Variants in FBXO11 observed in about 807,000 individuals in gnomAD.
FBXO11 encodes F-box only protein 11.
A neutral mutation model predicts 117.0 loss-of-function variants in FBXO11; 13 were observed. The ratio of observed to expected loss-of-function variants is 0.11; its 90% CI spans 0.07 to 0.18. The LOEUF (loss-of-function observed/expected upper bound fraction) is 0.18. Among genes scored for constraint, FBXO11 ranks in the 10% least tolerant of loss-of-function variants. FBXO11 has a pLI of 1.00. For synonymous variants in FBXO11, 490 were observed against 380.5 expected, an observed-to-expected ratio of 1.29 and a Z score of -3.35; for missense variants, 767 against 1,164.4, an observed-to-expected ratio of 0.66 and a Z score of 4.97.
rs144015272 is a variant in FBXO11, at chr2:47,846,220, C to G, written c.233-6451G>C. ...GGTGGCTCATGCCTGTAAATCCCAGCACTTTAGGAGGCCCAGGCGGGCAGA... is the reference window on the plus strand; with the variant it reads ...GGTGGCTCATGCCTGTAAATCCCAGGACTTTAGGAGGCCCAGGCGGGCAGA... On this transcript the variant is annotated intron_variant, in intron 1 of 22. Coordinates refer to ENST00000403359, the MANE Select transcript of FBXO11 (RefSeq NM_001190274.2). Among the ~76,000 whole-genome samples, 16 of 152,212 alleles carry G rather than the reference C, an allele frequency of 1.1e-4. No individual in the cohort carries two copies. The East Asian group carries it at 3.1e-3, about 29-fold the overall frequency.
chr2:47,905,673 C>T lies in FBXO11; in HGVS notation c.48G>A (p.Arg16=), dbSNP rs774723976. The change falls in exon 1 of 23, where the codon CGG becomes CGA. Residue 16 remains arginine (R), a synonymous_variant. Coordinates refer to ENST00000403359, the MANE Select transcript of FBXO11 (RefSeq NM_001190274.2). Reference sequence around the variant, plus strand: ...GCTGCTGTTGCTGCACCGGGCGCGGCCGCGACACTCGCCTGGGTCTCCGGT... The same window carrying T: ...GCTGCTGTTGCTGCACCGGGCGCGGTCGCGACACTCGCCTGGGTCTCCGGT... ...AANRRPRRVS[R]PRPVQQQQQQ... is the part of the protein sequence containing the mutation. 5.3e-6 allele frequency: 8 copies of T among 1,506,988 alleles called. No homozygotes were observed. The highest frequency in any genetic ancestry group is 3.7e-5 in the South Asian group (3 of 81,904). The allele number at this position is 1,506,988 out of a possible 1,614,324, so 93.4% of individuals were successfully genotyped here. A position where few individuals can be genotyped will look rare whatever the true frequency, so the allele number is the denominator to read the frequency against.
chr2:47,852,568 A>G (rs1319970881), intron 1 of FBXO11, among the ~76,000 whole-genome samples: 4 of 152,228 alleles, frequency 2.6e-5, no homozygotes, highest in East Asian at 3.8e-4. Context: ...TTTTAAGTCA[A>G]TGGACTCTAG....
Position 47,905,855 on chromosome 2 carries a change from G to A in FBXO11, c.-135C>T, listed in dbSNP as rs1179519271. On this transcript the variant is annotated 5_prime_UTR_variant, in exon 1 of 23. Coordinates refer to ENST00000403359, the MANE Select transcript of FBXO11 (RefSeq NM_001190274.2). Reference sequence around the variant, plus strand: ...AGAGGGGGCGAGGGGAAGGGGAGACGCTGAGGGCGGAGGGGGCGAGCGGGA... The same window carrying A: ...AGAGGGGGCGAGGGGAAGGGGAGACACTGAGGGCGGAGGGGGCGAGCGGGA... 4.2e-6 allele frequency: 3 copies of A among 718,480 alleles called. No homozygotes were observed. Among genetic ancestry groups the A allele is most frequent in the East Asian group, 7.6e-5 (2 of 26,366 alleles). The allele number at this position is 718,480 out of a possible 1,614,324, so 44.5% of individuals were successfully genotyped here. A position where few individuals can be genotyped will look rare whatever the true frequency, so the allele number is the denominator to read the frequency against.
intron 7 of FBXO11, among the ~76,000 whole-genome samples, chr2:47,833,277 G>A (rs1013608204): frequency 6.6e-6 from 1 of 152,126 alleles, no homozygotes; most frequent in East Asian, 1.9e-4. Context: ...TAAATACTAT[G>A]AATATAAAAT....
intron 1 of FBXO11, among the ~76,000 whole-genome samples, chr2:47,841,167 C>T (rs977231774): frequency 1.3e-5 from 2 of 152,108 alleles, no homozygotes; most frequent in Non-Finnish European, 2.9e-5. Context: ...CACTGCACTC[C>T]AGCCTGGGCA....
chr2:47,885,910 C>G lies in FBXO11; in HGVS notation c.232+19579G>C, dbSNP rs1262308692. ...TTCCTCAAGGTATAGTTTAAGTACC[C>G]CCACTATCTCTGAACAGTCCTTCCA... On this transcript the variant is annotated intron_variant, in intron 1 of 22. Coordinates refer to ENST00000403359, the MANE Select transcript of FBXO11 (RefSeq NM_001190274.2). 4.0e-5 allele frequency among the ~76,000 whole-genome samples: 6 copies of G among 151,306 alleles called. No individual in the cohort carries two copies. In the East Asian group the frequency reaches 1.2e-3, roughly 29 times the overall value.
intron 1 of FBXO11, among the ~76,000 whole-genome samples, chr2:47,903,799 T>C (rs1252195217): frequency 6.6e-6 from 1 of 152,234 alleles, no homozygotes; most frequent in East Asian, 1.9e-4. Context: ...TCAGCTGTAC[T>C]GCATACAGTG....
At position 47,807,667 on chromosome 2, in the gene FBXO11, T is replaced by TA. The variant is rs11314400; in HGVS notation, c.*450dup. ...CATATTTCTCAATCTGAATACATGT[T>TA]AAAAAAAAAAAATCAAAAGGAACGC... On this transcript the variant is annotated 3_prime_UTR_variant, in exon 23 of 23. Coordinates refer to ENST00000403359, the MANE Select transcript of FBXO11 (RefSeq NM_001190274.2). 2.4e-3 allele frequency: 488 copies of TA among 207,634 alleles called. 1 individual carries two copies. The highest frequency in any genetic ancestry group is 4.1e-3 in the African/African-American group (180 of 43,524). The allele number at this position is 207,634 out of a possible 1,614,324, so 12.9% of individuals were successfully genotyped here.
At chr2:47,812,474 C>A (rs1209633486) in intron 18 of FBXO11, among the ~76,000 whole-genome samples, 1 of 152,150 alleles carries the variant, frequency 6.6e-6, no homozygotes, top group Non-Finnish European at 1.5e-5. Context: ...TGTGTGTCTT[C>A]ACTATATTTT....
At chr2:47,825,247 CTT>C (rs1278937964) in intron 11 of FBXO11, among the ~76,000 whole-genome samples, 1 of 152,110 alleles carries the variant, frequency 6.6e-6, no homozygotes, top group African/African-American at 2.4e-5. Flanking sequence ...TTATCTATAA[CTT>C]ATATCTCTAT....
At chr2:47,861,049 C>A (rs1002518007) in intron 1 of FBXO11, among the ~76,000 whole-genome samples, 1 of 151,318 alleles carries the variant, frequency 6.6e-6, no homozygotes, top group African/African-American at 2.4e-5. Flanking sequence ...GGGGTTTCTC[C>A]ATGTTGGTTA....
intron 1 of FBXO11, among the ~76,000 whole-genome samples, chr2:47,861,690 G>A (rs936434893): frequency 6.6e-6 from 1 of 152,120 alleles, no homozygotes; most frequent in Non-Finnish European, 1.5e-5. Flanking sequence ...GACACAAGAA[G>A]TTAACTTGCT....
chr2:47,871,209 C>A (rs976818635), intron 1 of FBXO11, among the ~76,000 whole-genome samples: 1 of 152,176 alleles, frequency 6.6e-6, no homozygotes, highest in South Asian at 2.1e-4. Flanking sequence ...GACAAAGCCA[C>A]GTGCCCTATC....
chr2:47,887,402 G>C (rs1193431368), intron 1 of FBXO11, among the ~76,000 whole-genome samples: 1 of 150,928 alleles, frequency 6.6e-6, no homozygotes, highest in African/African-American at 2.4e-5. Flanking sequence ...GGGAATGAAA[G>C]AACAGGGAAA....
Position 47,839,349 on chromosome 2 carries a change from C to T in FBXO11, c.442+70G>A. On this transcript the variant is annotated intron_variant, in intron 3 of 22. Transcript: ENST00000403359. Reference sequence around the variant, plus strand: ...GTAATACTCGAATACACTTAATTTTCATTTTTTGGTATCAAGCAAAATTAA... The same window carrying T: ...GTAATACTCGAATACACTTAATTTTTATTTTTTGGTATCAAGCAAAATTAA... 4.3e-6 allele frequency: 6 copies of T among 1,398,602 alleles called. No homozygotes were observed. In the South Asian group the frequency reaches 6.3e-5, roughly 15 times the overall value. 86.6% of individuals were successfully genotyped at this position (1,398,602 alleles called of 1,614,324 possible).
rs1226269068 is a variant in FBXO11, at chr2:47,905,628, C to G, written c.93G>C (p.Pro31=). 5 of 1,389,622 alleles carry G rather than the reference C, an allele frequency of 3.6e-6. No homozygotes were observed. The highest frequency in any genetic ancestry group is 4.7e-6 in the Non-Finnish European group (5 of 1,069,318). The allele number at this position is 1,389,622 out of a possible 1,614,324, so 86.1% of individuals were successfully genotyped here. A position where few individuals can be genotyped will look rare whatever the true frequency, so the allele number is the denominator to read the frequency against. ...GCTGCTGCTGGGGCGGCTGCGGCGG[C>G]GGCTGCTGCGGGGGCTGCTGCTGCT... ...QQQQQQPPQQ[P]PPQPPQQQPP... Residue 31 remains proline (P), a synonymous_variant, in exon 1 of 23, where the codon CCG becomes CCC. Transcript: ENST00000403359.
At chr2:47,879,417 C>T (rs1373126175) in intron 1 of FBXO11, among the ~76,000 whole-genome samples, 2 of 152,170 alleles carry the variant, frequency 1.3e-5, no homozygotes, top group African/African-American at 4.8e-5. Context: ...AGCTTCACAA[C>T]CAATGGAGTA....
At chr2:47,891,857 C>T (rs555630915) in intron 1 of FBXO11, among the ~76,000 whole-genome samples, 1 of 152,124 alleles carries the variant, frequency 6.6e-6, no homozygotes, top group African/African-American at 2.4e-5. Flanking sequence ...ATTTGCATTT[C>T]CCTGATGATT....
chr2:47,850,643 T>A (rs978889550), intron 1 of FBXO11, among the ~76,000 whole-genome samples: 1 of 152,158 alleles, frequency 6.6e-6, no homozygotes, highest in Non-Finnish European at 1.5e-5. Flanking sequence ...ATTTAAAAAA[T>A]AAGTAAAAAA....
Sources: gnomAD v4.1 joint callset for allele counts (sites outside exome capture counted in the v4.1 genomes callset) on GRCh38, gnomAD v4.1.1 for gene constraint, MANE v1.5 for transcripts, NCBI Gene and HGNC (gene_info 2026-07-23, HGNC 2026-07-21) for gene names.